Variants in HS2ST1 observed in about 807,000 individuals in gnomAD.
HS2ST1 encodes the protein 2-O-sulfotransferase.
A neutral mutation model predicts 42.9 loss-of-function variants in HS2ST1; 18 were observed. The ratio of observed to expected loss-of-function variants is 0.42; its 90% CI spans 0.29 to 0.62. The LOEUF (loss-of-function observed/expected upper bound fraction) is 0.62, where lower values mean the gene tolerates loss of function less well. HS2ST1 is among the 20% of genes least tolerant of loss of function. The pLI is 0.21. For missense variants in HS2ST1, 334 were observed against 433.8 expected (o/e 0.77, Z 2.04); for synonymous variants, 146 against 152.9 (o/e 0.95, Z 0.33).
intron 1 of HS2ST1, among the ~76,000 whole-genome samples, chr1:87,055,953 A>G (rs969966758): frequency 2.6e-5 from 4 of 152,206 alleles, no homozygotes; most frequent in Non-Finnish European, 5.9e-5. Context: ...TCTGCATACC[A>G]GAGTACAGAG....
intron 1 of HS2ST1, among the ~76,000 whole-genome samples, chr1:87,000,282 A>G (rs1244283816): frequency 6.6e-6 from 1 of 152,226 alleles, no homozygotes; most frequent in East Asian, 1.9e-4. Flanking sequence ...AATGTAAACT[A>G]ATGGAATACT....
At chr1:87,019,851 A>G (rs1649864151) in intron 1 of HS2ST1, among the ~76,000 whole-genome samples, 1 of 152,232 alleles carries the variant, frequency 6.6e-6, no homozygotes, top group African/African-American at 2.4e-5. Flanking sequence ...TAATACTACA[A>G]TTTGATGACA....
At chr1:86,945,478 G>T (rs1647303713) in intron 1 of HS2ST1, among the ~76,000 whole-genome samples, 1 of 152,152 alleles carries the variant, frequency 6.6e-6, no homozygotes, top group Admixed American at 6.6e-5. Flanking sequence ...GATTTAGACA[G>T]ACTAAATAGG....
chr1:86,932,191 G>C (rs1369156499), intron 1 of HS2ST1: 12 of 152,080 alleles, frequency 7.9e-5, no homozygotes, highest in Admixed American at 7.9e-4. Flanking sequence ...ACCAAAGCAC[G>C]TATTAAAGAC....
intron 1 of HS2ST1, among the ~76,000 whole-genome samples, chr1:86,926,237 C>T (rs1432237562): frequency 2.0e-5 from 3 of 152,192 alleles, no homozygotes; most frequent in Non-Finnish European, 4.4e-5. Flanking sequence ...GTTCCACCTG[C>T]CCATTTTGAA....
At chr1:87,033,535 G>GTTTT (rs1553138999) in intron 1 of HS2ST1, among the ~76,000 whole-genome samples, 1 of 146,688 alleles carries the variant, frequency 6.8e-6, no homozygotes, top group African/African-American at 2.6e-5. Context: ...GTGTTTTTTT[G>GTTTT]TTTTTTTGTT....
At chr1:87,072,395 ATAAC>A (rs1292346394) in intron 1 of HS2ST1, among the ~76,000 whole-genome samples, 2 of 152,258 alleles carry the variant, frequency 1.3e-5, no homozygotes, top group African/African-American at 2.4e-5. Flanking sequence ...AAACCAGAGA[ATAAC>A]TAAATCGGGT....
chr1:86,980,328 C>T (rs1047562085), intron 1 of HS2ST1, among the ~76,000 whole-genome samples: 5 of 152,030 alleles, frequency 3.3e-5, no homozygotes, highest in Non-Finnish European at 7.4e-5. Flanking sequence ...ATACAATATT[C>T]AGTGAAAATA....
intron 1 of HS2ST1, among the ~76,000 whole-genome samples, chr1:87,054,860 A>G (rs1203441876): frequency 6.6e-6 from 1 of 152,222 alleles, no homozygotes; most frequent in Non-Finnish European, 1.5e-5. Flanking sequence ...AGAAACACTC[A>G]TGTTGGTACT....
chr1:86,956,519 GA>G (rs1647683069), intron 1 of HS2ST1: 1 of 152,166 alleles, frequency 6.6e-6, no homozygotes. Context: ...CTGCTCCCAT[GA>G]AAATCTGATT....
In HS2ST1 at chr1:87,057,836, G is replaced by C. The variant is rs1024022127; in HGVS notation, c.125-15098G>C. ...ACTGCACTCCAGCCTGGGCGACAGAGCGAGACTCTGTCTCAAAAAAAGAAA... is the reference window on the plus strand; with the variant it reads ...ACTGCACTCCAGCCTGGGCGACAGACCGAGACTCTGTCTCAAAAAAAGAAA... On this transcript the variant is annotated intron_variant, in intron 1 of 6. Transcript: ENST00000370550. 1.6e-4 allele frequency among the ~76,000 whole-genome samples: 25 copies of C among 151,520 alleles called. 2 individuals are homozygous for C. Among genetic ancestry groups the C allele is most frequent in the African/African-American group, 6.1e-4 (25 of 40,932 alleles).
chr1:87,015,300 C>T (rs775268806), intron 1 of HS2ST1, among the ~76,000 whole-genome samples: 30 of 149,698 alleles, frequency 2.0e-4, no homozygotes, highest in Admixed American at 8.0e-4. Flanking sequence ...CTCGCCTTGG[C>T]CTCCCAAAGT....
At chr1:87,035,119 A>T (rs746326485) in intron 1 of HS2ST1, among the ~76,000 whole-genome samples, 3 of 152,150 alleles carry the variant, frequency 2.0e-5, no homozygotes, top group Non-Finnish European at 4.4e-5. Flanking sequence ...CTAGAAAAGG[A>T]TTTTAGGGAA....
intron 1 of HS2ST1, among the ~76,000 whole-genome samples, chr1:86,960,786 A>G (rs536950665): frequency 2.6e-5 from 4 of 151,814 alleles, no homozygotes; most frequent in African/African-American, 9.6e-5. Context: ...GCTGGTGAGT[A>G]TGTGGAGTAA....
intron 1 of HS2ST1, chr1:87,045,158 G>A: frequency 5.8e-6 from 5 of 862,976 alleles, no homozygotes; most frequent in Non-Finnish European, 1.0e-5. Context: ...CATTGGTTAT[G>A]CTTTTGGCAG....
chr1:86,915,395 TCC>T (rs1046634589), intron 1 of HS2ST1, among the ~76,000 whole-genome samples: 2 of 152,072 alleles, frequency 1.3e-5, no homozygotes, highest in African/African-American at 4.8e-5. Context: ...AGGTTGGGCT[TCC>T]CTAGCCAAAG....
intron 1 of HS2ST1, among the ~76,000 whole-genome samples, chr1:86,979,136 G>A (rs769487532): frequency 5.3e-5 from 8 of 152,076 alleles, no homozygotes; most frequent in East Asian, 1.9e-4. Context: ...GATTATAGGC[G>A]TGAGCCACTG....
chr1:87,083,555 T>A (rs144255480), intron 2 of HS2ST1, among the ~76,000 whole-genome samples: 1 of 152,172 alleles, frequency 6.6e-6, no homozygotes, highest in Non-Finnish European at 1.5e-5. Context: ...AATATACTTA[T>A]ATAATTTTTC....
At chr1:87,046,609 A>C in intron 1 of HS2ST1, 2 of 1,578,296 alleles carry the variant, frequency 1.3e-6, no homozygotes, top group Non-Finnish European at 1.7e-6. Flanking sequence ...ACTGGGCTGA[A>C]GTACAAAGTC....
Sources: allele counts gnomAD v4.1 joint callset (sites outside exome capture counted in the v4.1 genomes callset), GRCh38; gene constraint gnomAD v4.1.1; transcripts MANE v1.5; gene names NCBI Gene and HGNC (gene_info 2026-07-23, HGNC 2026-07-21).